The following MAPK10 variants were observed in gnomAD, a reference collection of about 807,000 sequenced individuals.
MAPK10 encodes the protein mitogen-activated protein kinase 10.
Under a neutral mutation model 59.3 loss-of-function variants are expected in MAPK10, and 25 were observed. That is an observed-to-expected ratio of 0.42 (90% CI 0.31 to 0.59). The LOEUF is 0.59. Among genes scored for constraint, MAPK10 ranks in the 20% least tolerant of loss-of-function variants. MAPK10 has a pLI of 0.15. For missense variants in MAPK10, 351 were observed against 568.9 expected, an observed-to-expected ratio of 0.62 and a Z score of 3.90; for synonymous variants, 190 against 200.5, an observed-to-expected ratio of 0.95 and a Z score of 0.44.
At chr4:86,224,243 G>A (rs1474218872) in intron 2 of MAPK10, among the ~76,000 whole-genome samples, 3 of 152,130 alleles carry the variant, frequency 2.0e-5, no homozygotes, top group Non-Finnish European at 4.4e-5. Flanking sequence ...TCAGTCTAAT[G>A]GGAAAGACAG....
intron 3 of MAPK10, among the ~76,000 whole-genome samples, chr4:86,178,261 A>C (rs190450165): frequency 3.7e-3 from 557 of 152,248 alleles, no homozygotes; most frequent in Admixed American, 9.4e-3. Context: ...TATAAAGATA[A>C]AATGAGGTAA....
At chr4:86,154,778 T>C (rs996097974) in intron 4 of MAPK10, among the ~76,000 whole-genome samples, 7 of 152,234 alleles carry the variant, frequency 4.6e-5, no homozygotes, top group African/African-American at 1.7e-4. Context: ...GGCATAAGTT[T>C]ATTTGTAACT....
chr4:86,340,078 A>C (rs1196646929), intron 2 of MAPK10, among the ~76,000 whole-genome samples: 1 of 152,250 alleles, frequency 6.6e-6, no homozygotes, highest in Non-Finnish European at 1.5e-5. Flanking sequence ...GTAGGTAATG[A>C]TACTTGCTAA....
At chr4:86,268,427 A>G (rs1460161087) in intron 2 of MAPK10, 1 of 152,160 alleles carries the variant, frequency 6.6e-6, no homozygotes, top group Non-Finnish European at 1.5e-5. Flanking sequence ...ATTCTAAACC[A>G]TAAATCAGAG....
intron 2 of MAPK10, among the ~76,000 whole-genome samples, chr4:86,305,956 C>A (rs1361787804): frequency 6.6e-6 from 1 of 151,928 alleles, no homozygotes; most frequent in Non-Finnish European, 1.5e-5. Context: ...AATAATACAA[C>A]TGGCAAATAA....
At chr4:86,096,688 A>G (rs2054282649) in intron 9 of MAPK10, among the ~76,000 whole-genome samples, 1 of 152,040 alleles carries the variant, frequency 6.6e-6, no homozygotes, top group Non-Finnish European at 1.5e-5. Context: ...AAAAGCATAA[A>G]GAAAATAATT....
intron 2 of MAPK10, among the ~76,000 whole-genome samples, chr4:86,216,295 C>CACATACATATATAT (rs376432598): frequency 3.0e-5 from 4 of 131,162 alleles, no homozygotes; most frequent in Non-Finnish European, 6.3e-5. Flanking sequence ...ATATATATAG[C>CACATACATATATAT]ATATATATAT....
At chr4:86,472,122 A>G (rs1752706194) in intron 1 of MAPK10, among the ~76,000 whole-genome samples, 3 of 152,238 alleles carry the variant, frequency 2.0e-5, no homozygotes, top group African/African-American at 4.8e-5. Flanking sequence ...ATTGATGAAC[A>G]TTTCAAGTTA....
At chr4:86,149,759 C>T (rs552748535) in intron 4 of MAPK10, among the ~76,000 whole-genome samples, 1 of 152,272 alleles carries the variant, frequency 6.6e-6, no homozygotes, top group East Asian at 1.9e-4. Flanking sequence ...TCTGTGCATA[C>T]ATAGTTATTT....
In MAPK10 at chr4:86,231,631, C is replaced by A. The variant is rs1247029855; in HGVS notation, c.-6-37224G>T. On this transcript the variant is annotated intron_variant, in intron 2 of 13. Coordinates refer to ENST00000641462, the MANE Select transcript of MAPK10 (RefSeq NM_138982.4). ...TGAGCTGAGATTGCGCCACTGCACTCCAACCTGGTGACAGAGCGAGACTCT... is the reference window on the plus strand; with the variant it reads ...TGAGCTGAGATTGCGCCACTGCACTACAACCTGGTGACAGAGCGAGACTCT... 4.6e-5 allele frequency among the ~76,000 whole-genome samples: 7 copies of A among 151,752 alleles called. No homozygotes were observed. The East Asian group carries it at 1.2e-3, about 25-fold the overall frequency.
intron 11 of MAPK10, among the ~76,000 whole-genome samples, chr4:86,034,272 G>A (rs1419106079): frequency 6.6e-6 from 1 of 152,128 alleles, no homozygotes; most frequent in Admixed American, 6.5e-5. Flanking sequence ...TATTTTGGAA[G>A]ATTTGAACTT....
chr4:86,549,499 G>A (rs149302617), intron 1 of MAPK10, among the ~76,000 whole-genome samples: 1 of 152,152 alleles, frequency 6.6e-6, no homozygotes, highest in African/African-American at 2.4e-5. Context: ...ATAAGAAAGG[G>A]TATACCTATA....
At chr4:86,407,918 T>C (rs1446056090) in intron 1 of MAPK10, among the ~76,000 whole-genome samples, 1 of 152,126 alleles carries the variant, frequency 6.6e-6, no homozygotes, top group Non-Finnish European at 1.5e-5. Context: ...TTTATTACTA[T>C]TATACTTTAA....
chr4:86,135,442 G>A (rs565441790), intron 4 of MAPK10, among the ~76,000 whole-genome samples: 5 of 152,090 alleles, frequency 3.3e-5, no homozygotes, highest in Non-Finnish European at 4.4e-5. Flanking sequence ...AACCTCACAC[G>A]GCAGGGTACT....
At chr4:86,122,946 T>C (rs1245714722) in intron 4 of MAPK10, among the ~76,000 whole-genome samples, 1 of 152,084 alleles carries the variant, frequency 6.6e-6, no homozygotes. Flanking sequence ...TTGCAGAATT[T>C]ATGTGGTTCT....
chr4:86,450,978 C>T (rs1750629060), intron 1 of MAPK10, among the ~76,000 whole-genome samples: 1 of 152,052 alleles, frequency 6.6e-6, no homozygotes, highest in Admixed American at 6.5e-5. Context: ...AATCCAAATC[C>T]TCAATTACGC....
chr4:86,487,099 T>C (rs2149073481), intron 1 of MAPK10, among the ~76,000 whole-genome samples: 1 of 152,202 alleles, frequency 6.6e-6, no homozygotes, highest in East Asian at 1.9e-4. Context: ...AGACAGTCGA[T>C]TGCAATGCAG....
At chr4:86,375,005 C>G (rs1303788025) in intron 1 of MAPK10, among the ~76,000 whole-genome samples, 1 of 152,144 alleles carries the variant, frequency 6.6e-6, no homozygotes, top group East Asian at 1.9e-4. Context: ...AAAACGTGTT[C>G]GGATATTGCT....
At chr4:86,179,148 G>A (rs923289146) in intron 3 of MAPK10, among the ~76,000 whole-genome samples, 10 of 152,062 alleles carry the variant, frequency 6.6e-5, no homozygotes, top group African/African-American at 2.4e-4. Flanking sequence ...GTTGCAGTGA[G>A]CCAAGATCGT....
Sources: allele counts gnomAD v4.1 joint callset (sites outside exome capture counted in the v4.1 genomes callset), GRCh38; gene constraint gnomAD v4.1.1; transcripts MANE v1.5; gene names NCBI Gene and HGNC (gene_info 2026-07-23, HGNC 2026-07-21).